PARD3B: variants seen among roughly 807,000 people sequenced by gnomAD.
The protein encoded by PARD3B is par-3 family cell polarity regulator beta.
In PARD3B, 103 loss-of-function variants were observed where a neutral mutation model predicts 130.2. The observed-to-expected ratio is 0.79, with a 90% CI of 0.67 to 0.93. PARD3B has a LOEUF of 0.93. Ranked by LOEUF, PARD3B falls within the 40% of genes least tolerant of loss-of-function variation. The probability of loss-of-function intolerance (pLI) is 0.00; values close to 1 mark genes in which losing one functional copy is unlikely to be tolerated. For synonymous variants in PARD3B, 583 were observed against 553.2 expected (o/e 1.05, Z -0.76); for missense variants, 1,609 against 1,499.2 (o/e 1.07, Z -1.21).
intron 16 of PARD3B, among the ~76,000 whole-genome samples, chr2:205,257,258 T>C (rs1444115105): frequency 6.6e-6 from 1 of 151,770 alleles, no homozygotes; most frequent in Non-Finnish European, 1.5e-5. Context: ...CTTACAAATT[T>C]CACCCCATCA....
intron 2 of PARD3B, among the ~76,000 whole-genome samples, chr2:204,937,072 C>G (rs1284302452): frequency 6.6e-6 from 1 of 152,200 alleles, no homozygotes. Context: ...TGTACAAGGT[C>G]ACATGAACAA....
At chr2:205,056,114 T>G (rs947413124) in intron 4 of PARD3B, among the ~76,000 whole-genome samples, 2 of 152,086 alleles carry the variant, frequency 1.3e-5, no homozygotes, top group Non-Finnish European at 2.9e-5. Flanking sequence ...AGAGTTCACC[T>G]TGAGAAGAAG....
chr2:204,803,362 A>C (rs942445123), intron 2 of PARD3B, among the ~76,000 whole-genome samples: 1 of 152,024 alleles, frequency 6.6e-6, no homozygotes, highest in Non-Finnish European at 1.5e-5. Flanking sequence ...CTCACTGGTA[A>C]TCGTAAGTAT....
intron 2 of PARD3B, among the ~76,000 whole-genome samples, chr2:204,928,091 T>C (rs1687766352): frequency 6.6e-6 from 1 of 152,160 alleles, no homozygotes; most frequent in South Asian, 2.1e-4. Context: ...TGGGTAGTTT[T>C]AGGTCAATTA....
At chr2:205,018,748 A>AAAAAAAAAAAAAAAC (rs1696360681) in intron 3 of PARD3B, among the ~76,000 whole-genome samples, 1 of 121,664 alleles carries the variant, frequency 8.2e-6, no homozygotes, top group African/African-American at 3.0e-5. Flanking sequence ...AAAAAAAAAA[A>AAAAAAAAAAAAAAAC]AAGCACGCTG....
chr2:205,508,575 GAAAAAA>G (rs11293944), intron 21 of PARD3B, among the ~76,000 whole-genome samples: 1 of 134,356 alleles, frequency 7.4e-6, no homozygotes, highest in African/African-American at 2.8e-5. Context: ...CTTTCTCCAA[GAAAAAA>G]AAAAAAAAAA....
chr2:204,624,210 G>T (rs2034402974), intron 1 of PARD3B, among the ~76,000 whole-genome samples: 1 of 152,112 alleles, frequency 6.6e-6, no homozygotes. Flanking sequence ...GACTTGAATA[G>T]ATATTTCTCC....
At chr2:205,444,199 T>G (rs964079492) in intron 20 of PARD3B, among the ~76,000 whole-genome samples, 2 of 152,164 alleles carry the variant, frequency 1.3e-5, no homozygotes, top group Admixed American at 1.3e-4. Context: ...ACCAGGCTGG[T>G]CTCAAACTCC....
intron 2 of PARD3B, among the ~76,000 whole-genome samples, chr2:204,718,052 A>G (rs1441601499): frequency 6.6e-6 from 1 of 152,116 alleles, no homozygotes; most frequent in African/African-American, 2.4e-5. Context: ...CACTAGTTTT[A>G]TTTTAGAGAA....
rs556854500 is a variant in PARD3B at position 205,618,394 on chromosome 2, G to T, written c.*2581G>T. ...CCAGAGGTTACAGGACTCTTTCCCA[G>T]CATTTAGGGGAACAGGCTTTTAGAG... On this transcript the variant is annotated 3_prime_UTR_variant, in exon 23 of 23. Transcript: ENST00000406610. 3.9e-5 allele frequency: 6 copies of T among 152,310 alleles called. No homozygotes were observed. In the South Asian group the frequency reaches 1.2e-3, roughly 32 times the overall value. 9.4% of individuals were successfully genotyped at this position (152,310 alleles called of 1,614,324 possible).
intron 18 of PARD3B, among the ~76,000 whole-genome samples, chr2:205,361,638 G>A (rs769006722): frequency 3.3e-5 from 5 of 152,108 alleles, no homozygotes; most frequent in Non-Finnish European, 5.9e-5. Context: ...ACGTCTTTAG[G>A]TAACTAATCT....
intron 2 of PARD3B, among the ~76,000 whole-genome samples, chr2:204,855,332 C>G (rs1053219331): frequency 6.6e-6 from 1 of 151,976 alleles, no homozygotes; most frequent in African/African-American, 2.4e-5. Flanking sequence ...ATCGTGAGGT[C>G]AAGAGATTGA....
At chr2:204,653,179 G>A (rs114153859) in intron 1 of PARD3B, among the ~76,000 whole-genome samples, 2,134 of 150,604 alleles carry the variant, frequency 0.014, 187 homozygotes, top group African/African-American at 0.05. Flanking sequence ...ACTAGGATTA[G>A]TACCTGGGTG....
rs749595732 is a variant in PARD3B at position 204,857,133 on chromosome 2, G to A, written c.223-108019G>A. Among the ~76,000 whole-genome samples the A allele has an allele frequency of 3.0e-4, 46 of 152,178 alleles. 1 individual carries two copies. Among genetic ancestry groups the A allele is most frequent in the South Asian group, 4.1e-4 (2 of 4,820 alleles). ...GCCAGTGAAATTCATATTATTATCT[G>A]TTTTGCATCACTGTTTGAATGCTGC... is the stretch of plus-strand genomic sequence containing the variant. On this transcript the variant is annotated intron_variant, in intron 2 of 22. Coordinates refer to ENST00000406610, the MANE Select transcript of PARD3B (RefSeq NM_001302769.2).
intron 3 of PARD3B, among the ~76,000 whole-genome samples, chr2:205,025,251 AT>A (rs1249298865): frequency 6.6e-6 from 1 of 152,130 alleles, no homozygotes; most frequent in Non-Finnish European, 1.5e-5. Context: ...TATGCCAGTG[AT>A]TGCATGCTTG....
At chr2:205,570,851 T>G (rs1403310930) in intron 22 of PARD3B, among the ~76,000 whole-genome samples, 1 of 152,160 alleles carries the variant, frequency 6.6e-6, no homozygotes, top group Non-Finnish European at 1.5e-5. Context: ...GAGGCACTCG[T>G]GAGAATAAGC....
chr2:205,005,008 C>G (rs556167486), intron 3 of PARD3B, among the ~76,000 whole-genome samples: 1 of 152,288 alleles, frequency 6.6e-6, no homozygotes, highest in South Asian at 2.1e-4. Flanking sequence ...TACTCCACAA[C>G]CAACCTTCTA....
intron 2 of PARD3B, among the ~76,000 whole-genome samples, chr2:204,756,791 G>A (rs1408614444): frequency 6.6e-6 from 1 of 152,128 alleles, no homozygotes; most frequent in Non-Finnish European, 1.5e-5. Context: ...TTAGATTTAG[G>A]GGGTTCCTGT....
chr2:204,546,127 C>T lies in PARD3B; in HGVS notation c.120+8C>T, dbSNP rs1236247002. 5.2e-6 allele frequency: 8 copies of T among 1,552,642 alleles called. No homozygotes were observed. Among genetic ancestry groups the T allele is most frequent in the Non-Finnish European group, 7.0e-6 (8 of 1,148,410 alleles). On this transcript the variant is annotated splice_region_variant and intron_variant, in intron 1 of 22. Transcript: ENST00000406610. ...CTGAAGACCCGGGAGAAGGTGAGCG[C>T]GGCGCGGAGGAGTGGGGCGCGGCTG...
Sources: gnomAD v4.1 joint callset for allele counts (sites outside exome capture counted in the v4.1 genomes callset) on GRCh38, gnomAD v4.1.1 for gene constraint, MANE v1.5 for transcripts, NCBI Gene and HGNC (gene_info 2026-07-23, HGNC 2026-07-21) for gene names.